The following TTC7A variants were observed in gnomAD, a reference collection of about 807,000 sequenced individuals.
TTC7A encodes tetratricopeptide repeat protein 7A.
Under a neutral mutation model 103.7 loss-of-function variants are expected in TTC7A, and 110 were observed. The observed-to-expected ratio is 1.06, with a 90% CI of 0.91 to 1.24. The LOEUF (loss-of-function observed/expected upper bound fraction) is 1.24. Ranked by LOEUF, TTC7A falls within the 50% of genes most tolerant of loss-of-function variation. The pLI is 0.00. For synonymous variants in TTC7A, 521 were observed against 467.9 expected (o/e 1.11, Z -1.47); for missense variants, 1,340 against 1,116.3 (o/e 1.20, Z -2.86).
At chr2:46,994,199 G>C in intron 6 of TTC7A, 158 bp from the exon 7 acceptor site, 1 of 808,578 alleles carries the variant, frequency 1.2e-6, no homozygotes, top group Non-Finnish European at 2.0e-6. Context: ...GACTGAAGGA[G>C]CAAGGGGGCT....
In TTC7A at chr2:47,011,397, C is replaced by A. The variant is rs757195398; in HGVS notation, c.1354C>A (p.Leu452Met). 1 of 1,611,114 alleles carries A rather than the reference C, an allele frequency of 6.2e-7. No individual in the cohort carries two copies. Among genetic ancestry groups the A allele is most frequent in the Non-Finnish European group, 8.5e-7 (1 of 1,179,904 alleles). ...GCGGCCCTCGGACCCCACCGTGCCCCTGATGGCCGCGAAGGTCTGCATCGG... is the reference window on the plus strand; with the variant it reads ...GCGGCCCTCGGACCCCACCGTGCCCATGATGGCCGCGAAGGTCTGCATCGG... ...KLRPSDPTVP[L>M]MAAKVCIGSL... is the part of the protein sequence containing the mutation. The change falls in exon 11 of 20, where the codon CTG (leucine) becomes ATG (methionine). Residue 452 changes from leucine to methionine, a missense_variant. Physicochemically the swap from Leu to Met is conservative, Grantham distance 15. Transcript: ENST00000319190.
chr2:47,059,658 C>G lies in TTC7A; in HGVS notation c.2153-1111C>G, dbSNP rs138575169. ...TTCCATCCCCTTCTCCCTGGACATG[C>G]AATGAACAAAGTGAAGGAACACTGA... On this transcript the variant is annotated intron_variant, in intron 18 of 19. Coordinates refer to ENST00000319190, the MANE Select transcript of TTC7A (RefSeq NM_020458.4). Among the ~76,000 whole-genome samples, 216 of 152,266 alleles carry G rather than the reference C, an allele frequency of 1.4e-3. 2 individuals are homozygous for G. Among genetic ancestry groups the G allele is most frequent in the African/African-American group, 4.8e-3 (198 of 41,550 alleles).
chr2:46,962,241 GTTTCCTTACATT>G (rs1672445487), intron 3 of TTC7A, among the ~76,000 whole-genome samples: 1 of 152,152 alleles, frequency 6.6e-6, no homozygotes, highest in Non-Finnish European at 1.5e-5. Context: ...GCACAAAGCT[GTTTCCTTACATT>G]CTCCTCCGAC....
At position 47,029,292 on chromosome 2, in the gene TTC7A, C is replaced by T; in HGVS notation, c.1710C>T (p.His570=). Residue 570 remains histidine (H), a synonymous_variant, in exon 15 of 20, where the codon CAC becomes CAT. Coordinates refer to ENST00000319190, the MANE Select transcript of TTC7A (RefSeq NM_020458.4). ...GCAAGGATGATGCCCACGCCCTCCACCTGCTGGCACTGCTCTTCTCTGCCC... is the reference window on the plus strand; with the variant it reads ...GCAAGGATGATGCCCACGCCCTCCATCTGCTGGCACTGCTCTTCTCTGCCC... The part of the protein sequence containing the change: ...KVRKDDAHAL[H]LLALLFSAQK... The T allele has an allele frequency of 6.2e-7, 1 of 1,614,106 alleles. No individual in the cohort carries two copies. The highest frequency in any genetic ancestry group is 8.5e-7 in the Non-Finnish European group (1 of 1,180,030).
intron 2 of TTC7A, among the ~76,000 whole-genome samples, chr2:46,917,943 G>A (rs1668901347): frequency 6.6e-6 from 1 of 152,164 alleles, no homozygotes; most frequent in African/African-American, 2.4e-5. Context: ...TTATCAAAGT[G>A]TCCAGGGTTC....
intron 2 of TTC7A, among the ~76,000 whole-genome samples, chr2:46,924,471 G>A (rs1259062752): frequency 6.6e-6 from 1 of 151,896 alleles, no homozygotes; most frequent in East Asian, 1.9e-4. Context: ...TTTATATTTT[G>A]TATTTGAGTA....
intron 3 of TTC7A, among the ~76,000 whole-genome samples, chr2:46,963,689 C>T (rs1273504718): frequency 1.3e-5 from 2 of 152,194 alleles, no homozygotes; most frequent in African/African-American, 4.8e-5. Flanking sequence ...GCCCCTTGTA[C>T]TAGAAAGTTG....
intron 3 of TTC7A, among the ~76,000 whole-genome samples, chr2:46,970,489 A>C (rs1673258875): frequency 6.6e-6 from 1 of 152,114 alleles, no homozygotes; most frequent in African/African-American, 2.4e-5. Context: ...AGCTGGCATC[A>C]CCCATCCCAG....
intron 1 of TTC7A, among the ~76,000 whole-genome samples, chr2:46,945,616 C>T (rs183646184): frequency 3.0e-4 from 46 of 152,294 alleles, no homozygotes; most frequent in Admixed American, 6.5e-4. Context: ...ATTTTGAACT[C>T]CTAGACTCAA....
intron 8 of TTC7A, among the ~76,000 whole-genome samples, 180 bp from the exon 9 acceptor site, chr2:47,005,742 C>G (rs1385883268): frequency 6.6e-6 from 1 of 152,160 alleles, no homozygotes; most frequent in Non-Finnish European, 1.5e-5. Flanking sequence ...GATTTTCTCT[C>G]TTGGAGAGGG....
At chr2:46,933,845 T>G (rs1669831973) in intron 2 of TTC7A, among the ~76,000 whole-genome samples, 1 of 152,162 alleles carries the variant, frequency 6.6e-6, no homozygotes, top group South Asian at 2.1e-4. Flanking sequence ...CATAAAAAAG[T>G]CAGAGCACTG....
rs759803354 is a variant in TTC7A at position 47,060,847 on chromosome 2, C to A, written c.2231C>A (p.Ser744Tyr). 1 of 1,614,094 alleles carries A rather than the reference C, an allele frequency of 6.2e-7. No individual in the cohort carries two copies. Among genetic ancestry groups the A allele is most frequent in the Non-Finnish European group, 8.5e-7 (1 of 1,179,944 alleles). Residue 744 changes from serine to tyrosine, a missense_variant, in exon 19 of 20, where the codon TCT (serine) becomes TAT (tyrosine). Transcript: ENST00000319190. Reference sequence around the variant, plus strand: ...GAGGCGGCGGGCCTCTTCCCCACTTCTCACTCAGTACTCTATATGCGGGGC... The same window carrying A: ...GAGGCGGCGGGCCTCTTCCCCACTTATCACTCAGTACTCTATATGCGGGGC... ...IQEAAGLFPTSHSVLYMRGRL... is the reference protein window; with the variant it reads ...IQEAAGLFPTYHSVLYMRGRL...
chr2:46,926,138 C>G (rs1669371582), intron 2 of TTC7A, among the ~76,000 whole-genome samples: 1 of 152,214 alleles, frequency 6.6e-6, no homozygotes, highest in African/African-American at 2.4e-5. Flanking sequence ...TCTTAGCATT[C>G]CCTCCACAGA....
At chr2:46,978,442 A>G (rs1674093183) in intron 4 of TTC7A, among the ~76,000 whole-genome samples, 1 of 151,920 alleles carries the variant, frequency 6.6e-6, no homozygotes, top group Admixed American at 6.6e-5. Flanking sequence ...AATGAATGTT[A>G]GGGGCTTAGT....
intron 5 of TTC7A, among the ~76,000 whole-genome samples, chr2:46,989,777 T>A (rs1675419312): frequency 6.6e-6 from 1 of 152,148 alleles, no homozygotes; most frequent in Non-Finnish European, 1.5e-5. Context: ...ATGCATAATG[T>A]GCAGTCCTGA....
intron 3 of TTC7A, among the ~76,000 whole-genome samples, chr2:46,968,659 C>T (rs779408853): frequency 9.9e-5 from 15 of 152,146 alleles, no homozygotes; most frequent in Admixed American, 6.5e-4. Context: ...TATAGAGGAC[C>T]GCCTCCGTGA....
chr2:46,937,356 T>C (rs1238699740), upstream of TTC7A, among the ~76,000 whole-genome samples: 7 of 152,102 alleles, frequency 4.6e-5, no homozygotes, highest in Admixed American at 3.9e-4. This position sits in a 1 kb window ranked among gnomAD's most constrained non-coding sequence, Gnocchi z 4.0. Flanking sequence ...GCTGGCTAGA[T>C]ACCCCAAAGC....
intron 1 of TTC7A, chr2:46,917,170 T>C: frequency 1.4e-6 from 1 of 701,632 alleles, no homozygotes; most frequent in Non-Finnish European, 2.6e-6. Flanking sequence ...TAATTTTTTT[T>C]TCTTTTTTTA....
intron 11 of TTC7A, among the ~76,000 whole-genome samples, chr2:47,015,556 C>G (rs1678554105): frequency 6.6e-6 from 1 of 152,204 alleles, no homozygotes; most frequent in Non-Finnish European, 1.5e-5. Flanking sequence ...GTAATTTACC[C>G]TGTCTGTGCC....
Sources: allele counts gnomAD v4.1 joint callset (sites outside exome capture counted in the v4.1 genomes callset), GRCh38; gene constraint gnomAD v4.1.1; non-coding constraint Gnocchi (gnomAD v3.1); transcripts MANE v1.5; gene names NCBI Gene and HGNC (gene_info 2026-07-23, HGNC 2026-07-21).